PMP22: variants seen among roughly 807,000 people sequenced by gnomAD.
The protein encoded by PMP22 is peripheral myelin protein 22, also known as Charcot-Marie-Tooth neuropathy 1A (greatly reduced nerve conduction velocity, hereditary motor sensory neuropathy Ia).
In PMP22, 2 loss-of-function variants were observed where a neutral mutation model predicts 18.9. That is an observed-to-expected ratio of 0.11 (90% CI 0.04 to 0.33). The LOEUF (loss-of-function observed/expected upper bound fraction) is 0.33, where lower values mean the gene tolerates loss of function less well. Ranked by LOEUF, PMP22 falls within the 10% of genes least tolerant of loss-of-function variation. The pLI is 1.00. For synonymous variants in PMP22, 95 were observed against 89.2 expected (o/e 1.07, Z -0.37); for missense variants, 169 against 202.2 (o/e 0.84, Z 1.00).
intron 4 of PMP22, among the ~76,000 whole-genome samples, chr17:15,231,291 T>C (rs1315093425): frequency 6.6e-6 from 1 of 152,224 alleles, no homozygotes; most frequent in African/African-American, 2.4e-5. Context: ...CTTGGCCACC[T>C]AGGCCTTAAT....
intron 3 of PMP22, among the ~76,000 whole-genome samples, chr17:15,240,576 C>G (rs765998543): frequency 6.6e-6 from 1 of 152,042 alleles, no homozygotes; most frequent in Non-Finnish European, 1.5e-5. Flanking sequence ...GACAGAGCCT[C>G]CTATGGTTTC....
At chr17:15,231,944 G>A (rs230942) in intron 4 of PMP22, among the ~76,000 whole-genome samples, 72,727 of 152,026 alleles carry the variant, frequency 0.48, 17,437 homozygotes, top group Middle Eastern at 0.53. Flanking sequence ...CCCAGCTCAC[G>A]TGACAGACAG....
At chr17:15,241,271 G>A (rs373055785) in intron 3 of PMP22, among the ~76,000 whole-genome samples, 15 of 152,144 alleles carry the variant, frequency 9.9e-5, no homozygotes, top group African/African-American at 3.4e-4. Context: ...TCAAATGTTT[G>A]TCTTTATCCA....
chr17:15,243,765 G>C (rs1907550867), intron 3 of PMP22, among the ~76,000 whole-genome samples: 1 of 147,220 alleles, frequency 6.8e-6, no homozygotes, highest in African/African-American at 2.5e-5. Context: ...ATATGTTCAA[G>C]TGCTTATATT....
chr17:15,249,690 T>C (rs550581217), intron 3 of PMP22, among the ~76,000 whole-genome samples: 39 of 152,054 alleles, frequency 2.6e-4, no homozygotes, highest in Non-Finnish European at 5.3e-4. Context: ...GAGAAGCCAC[T>C]GAAAGAAGGA....
At chr17:15,251,095 C>T (rs912076701) in intron 3 of PMP22, among the ~76,000 whole-genome samples, 2 of 152,180 alleles carry the variant, frequency 1.3e-5, no homozygotes, top group Non-Finnish European at 2.9e-5. Flanking sequence ...CCGCATTCCC[C>T]ACCCTCCTTT....
At chr17:15,245,107 A>C (rs551098738) in intron 3 of PMP22, among the ~76,000 whole-genome samples, 1 of 152,308 alleles carries the variant, frequency 6.6e-6, no homozygotes, top group Non-Finnish European at 1.5e-5. Flanking sequence ...GAAAAAAAAC[A>C]GAGCCCAGCC....
chr17:15,262,268 A>G (rs1909402700), intron 1 of PMP22, among the ~76,000 whole-genome samples: 1 of 152,186 alleles, frequency 6.6e-6, no homozygotes, highest in South Asian at 2.1e-4. Flanking sequence ...TCCAAGACCC[A>G]TTGGAGGGAA....
At chr17:15,252,420 C>T (rs1908441154) in intron 3 of PMP22, among the ~76,000 whole-genome samples, 1 of 151,988 alleles carries the variant, frequency 6.6e-6, no homozygotes, top group Admixed American at 6.6e-5. Context: ...GCTGCTGCTG[C>T]TGCTGCTGCT....
chr17:15,261,616 G>A lies in PMP22; in HGVS notation c.-34-855C>T, dbSNP rs1417816498. 2 of 152,426 alleles carry A rather than the reference G, an allele frequency of 1.3e-5. No individual in the cohort carries two copies. Among genetic ancestry groups the A allele is most frequent in the Admixed American group, 6.5e-5 (1 of 15,294 alleles). 9.4% of individuals were successfully genotyped at this position (152,426 alleles called of 1,614,324 possible). ...CCAGGACACGAACCCCAACAAGCCT[G>A]AGCTCCGGTCTGGGTGCGGTGGGAC... is the stretch of plus-strand genomic sequence containing the variant. On this transcript the variant is annotated intron_variant, in intron 1 of 4. Transcript: ENST00000312280. This position sits in a 1 kb window ranked among gnomAD's most constrained non-coding sequence, Gnocchi z 5.2.
intron 3 of PMP22, among the ~76,000 whole-genome samples, chr17:15,252,218 AC>A (rs1908416427): frequency 6.6e-6 from 1 of 152,220 alleles, no homozygotes; most frequent in South Asian, 2.1e-4. Context: ...TGCCAAAATG[AC>A]AGTGTCACCA....
rs373665313 is a variant in PMP22 at position 15,244,141 on chromosome 17, T to G, written c.179-4530A>C. On this transcript the variant is annotated intron_variant, in intron 3 of 4. Transcript: ENST00000312280. ...CCATGTGATTAGCAAAGGAGAAATA[T>G]GAACAGCCAATAAACATCGTAAAAG... 5.9e-5 allele frequency among the ~76,000 whole-genome samples: 9 copies of G among 152,080 alleles called. No homozygotes were observed. In the South Asian group the frequency reaches 1.9e-3, roughly 32 times the overall value.
At chr17:15,237,920 C>A (rs1224651702) in intron 4 of PMP22, among the ~76,000 whole-genome samples, 1 of 151,844 alleles carries the variant, frequency 6.6e-6, no homozygotes, top group Non-Finnish European at 1.5e-5. Flanking sequence ...GGTTCTAAAT[C>A]CATATTATCT....
intron 4 of PMP22, among the ~76,000 whole-genome samples, chr17:15,232,031 C>T (rs549877319): frequency 6.6e-6 from 1 of 152,144 alleles, no homozygotes; most frequent in African/African-American, 2.4e-5. Flanking sequence ...TGTTTCCTCC[C>T]TGAAAACAGG....
intron 3 of PMP22, among the ~76,000 whole-genome samples, chr17:15,257,206 C>G (rs773949618): frequency 2.0e-5 from 3 of 152,192 alleles, no homozygotes; most frequent in Non-Finnish European, 4.4e-5. Flanking sequence ...AACCCTAGTG[C>G]CTCTTTGAGA....
chr17:15,230,697 A>G lies in PMP22; in HGVS notation c.*220T>C, dbSNP rs1021673443. ...ATGGTCAACATAAAAAGCAAACAAT[A>G]CTATGTACATATATGTAAAAAGTGT... On this transcript the variant is annotated 3_prime_UTR_variant, in exon 5 of 5. Coordinates refer to ENST00000312280, the MANE Select transcript of PMP22 (RefSeq NM_000304.4). 5 of 579,332 alleles carry G rather than the reference A, an allele frequency of 8.6e-6. No individual in the cohort carries two copies. The highest frequency in any genetic ancestry group is 1.9e-5 in the African/African-American group (1 of 53,410). The allele number at this position is 579,332 out of a possible 1,614,324, so 35.9% of individuals were successfully genotyped here.
intron 4 of PMP22, among the ~76,000 whole-genome samples, chr17:15,234,664 T>C (rs533462283): frequency 6.2e-4 from 94 of 152,168 alleles, no homozygotes; most frequent in Non-Finnish European, 1.1e-3. Flanking sequence ...ACCCATAGCA[T>C]TGACTCTGAT....
rs764221484 is a variant in PMP22 at position 15,231,089 on chromosome 17, G to A, written c.320-9C>T. On this transcript the variant is annotated splice_polypyrimidine_tract_variant and intron_variant, in intron 4 of 4. Transcript: ENST00000312280. ...ACTCATCACGCACAGACCTGGGGAAGGAGAGGGACAAGCTGGGTGACGGAG... is the reference window on the plus strand; with the variant it reads ...ACTCATCACGCACAGACCTGGGGAAAGAGAGGGACAAGCTGGGTGACGGAG... 1 of 1,613,270 alleles carries A rather than the reference G, an allele frequency of 6.2e-7. No homozygotes were observed. The highest frequency in any genetic ancestry group is 8.5e-7 in the Non-Finnish European group (1 of 1,179,928).
intron 3 of PMP22, among the ~76,000 whole-genome samples, chr17:15,241,022 A>G (rs1411195089): frequency 6.6e-6 from 1 of 152,224 alleles, no homozygotes; most frequent in Non-Finnish European, 1.5e-5. Context: ...TAGAGTTGGA[A>G]GAAACCTGAG....
Sources: gnomAD v4.1 joint callset for allele counts (sites outside exome capture counted in the v4.1 genomes callset) on GRCh38, gnomAD v4.1.1 for gene constraint, Gnocchi (gnomAD v3.1) non-coding constraint, MANE v1.5 for transcripts, NCBI Gene and HGNC (gene_info 2026-07-23, HGNC 2026-07-21) for gene names.